Variants in UNC13C observed in about 807,000 individuals in gnomAD.
UNC13C encodes the protein protein unc-13 homolog C.
Under a neutral mutation model 245.4 loss-of-function variants are expected in UNC13C, and 174 were observed. That is an observed-to-expected ratio of 0.71 (90% CI 0.63 to 0.80). The LOEUF (loss-of-function observed/expected upper bound fraction) is 0.80. Among genes scored for constraint, UNC13C ranks in the 30% least tolerant of loss-of-function variants. The pLI, the probability that UNC13C is intolerant of heterozygous loss-of-function variation, is 0.00. For synonymous variants in UNC13C, 992 were observed against 895.1 expected, an observed-to-expected ratio of 1.11 and a Z score of -1.93; for missense variants, 2,829 against 2,602.9, an observed-to-expected ratio of 1.09 and a Z score of -1.89.
intron 30 of UNC13C, among the ~76,000 whole-genome samples, chr15:54,583,991 T>C (rs1200264662): frequency 1.3e-5 from 2 of 152,194 alleles, no homozygotes; most frequent in African/African-American, 2.4e-5. Flanking sequence ...GCCTCCAGAC[T>C]TCCCCTCGGG....
the UNC13C span, among the ~76,000 whole-genome samples, chr15:53,945,342 G>A: frequency 6.6e-6 from 1 of 152,110 alleles, no homozygotes; most frequent in African/African-American, 2.4e-5. Context: ...GAATGGTATT[G>A]CCTAGGTTAT....
chr15:54,498,068 AAAG>A (rs1411687925), intron 20 of UNC13C, among the ~76,000 whole-genome samples: 1 of 152,148 alleles, frequency 6.6e-6, no homozygotes, highest in African/African-American at 2.4e-5. Flanking sequence ...CAGTAAGAAC[AAAG>A]AAGTTTGAAA....
At chr15:53,896,754 T>G in the UNC13C span, among the ~76,000 whole-genome samples, 3 of 152,138 alleles carry the variant, frequency 2.0e-5, no homozygotes, top group Non-Finnish European at 2.9e-5. Context: ...GCTTTCTAAA[T>G]GTGGGGACTA....
chr15:54,592,169 A>G lies in UNC13C; in HGVS notation c.6106+24222A>G, dbSNP rs557122773. 1.4e-4 allele frequency among the ~76,000 whole-genome samples: 22 copies of G among 152,246 alleles called. No homozygotes were observed. In the South Asian group the frequency reaches 4.6e-3, roughly 32 times the overall value. ...ACTGTGGTCTGAGAGTGCTTGATAT[A>G]ATTTCAGTTTTCTTAAATGTATTGA... On this transcript the variant is annotated intron_variant, in intron 30 of 32. Coordinates refer to ENST00000260323, the MANE Select transcript of UNC13C (RefSeq NM_001080534.3).
At chr15:53,844,090 G>C in the UNC13C span, among the ~76,000 whole-genome samples, 13 of 152,148 alleles carry the variant, frequency 8.5e-5, no homozygotes, top group South Asian at 4.1e-4. Context: ...GGGAAAAGAA[G>C]TGAATCCCAG....
At position 54,595,544 on chromosome 15, in the gene UNC13C, C is replaced by T. The variant is rs140225018; in HGVS notation, c.6107-26783C>T. On this transcript the variant is annotated intron_variant, in intron 30 of 32. Transcript: ENST00000260323. The stretch of plus-strand genomic sequence containing the variant: ...AATTCACAGTGCAAGCCTCCACAGG[C>T]TGCTGTGTCTGTGGCTGCAATCTAG... Among the ~76,000 whole-genome samples the T allele has an allele frequency of 2.5e-3, 377 of 152,314 alleles. 1 individual carries two copies. The highest frequency in any genetic ancestry group is 8.8e-3 in the African/African-American group (367 of 41,566).
chr15:54,428,980 A>G (rs188741093), intron 19 of UNC13C, among the ~76,000 whole-genome samples: 8 of 151,704 alleles, frequency 5.3e-5, no homozygotes, highest in African/African-American at 1.7e-4. Context: ...TATTTCCCAT[A>G]TATTGTATAA....
chr15:54,546,659 G>T, intron 26 of UNC13C, 63 bp from the exon 27 acceptor site: 1 of 1,033,368 alleles, frequency 9.7e-7, no homozygotes, highest in Non-Finnish European at 1.3e-6. Flanking sequence ...AAATCGTAAA[G>T]GCCTAAATTG....
intron 19 of UNC13C, among the ~76,000 whole-genome samples, chr15:54,419,829 C>T (rs1192970050): frequency 7.0e-6 from 1 of 143,134 alleles, no homozygotes; most frequent in Non-Finnish European, 1.5e-5. Context: ...CTTGTTAACT[C>T]AATTCAGAGT....
intron 17 of UNC13C, among the ~76,000 whole-genome samples, chr15:54,383,395 TA>T (rs2039769521): frequency 1.3e-5 from 2 of 152,272 alleles, no homozygotes; most frequent in East Asian, 3.9e-4. Context: ...TTCAGGTCAA[TA>T]AATGTGATCT....
At chr15:54,555,785 GTC>G (rs1897065235) in intron 29 of UNC13C, among the ~76,000 whole-genome samples, 1 of 151,872 alleles carries the variant, frequency 6.6e-6, no homozygotes, top group African/African-American at 2.4e-5. Context: ...TGCTTCTTTT[GTC>G]TCTCTCTAAA....
the UNC13C span, among the ~76,000 whole-genome samples, chr15:53,967,672 A>G: frequency 2.2e-4 from 34 of 152,200 alleles, no homozygotes; most frequent in African/African-American, 8.2e-4. Flanking sequence ...TTCTTAAAGA[A>G]CAGCTCACCA....
At chr15:54,027,371 C>T (rs1595734000) in intron 2 of UNC13C, among the ~76,000 whole-genome samples, 1 of 151,916 alleles carries the variant, frequency 6.6e-6, no homozygotes, top group East Asian at 1.9e-4. Context: ...GAACTCTCCT[C>T]TTTTGTTTTG....
At chr15:54,386,326 C>T (rs2039836263) in intron 17 of UNC13C, among the ~76,000 whole-genome samples, 1 of 152,110 alleles carries the variant, frequency 6.6e-6, no homozygotes, top group Non-Finnish European at 1.5e-5. Flanking sequence ...TCAGACATTG[C>T]TATAGCAATA....
chr15:54,358,163 A>G (rs1364103802), intron 17 of UNC13C, among the ~76,000 whole-genome samples: 2 of 151,956 alleles, frequency 1.3e-5, no homozygotes, highest in African/African-American at 4.8e-5. Context: ...TCTCTGTTCT[A>G]TACCTTTGGC....
chr15:53,997,834 A>G (rs1427091861), intron 1 of UNC13C, among the ~76,000 whole-genome samples: 1 of 151,768 alleles, frequency 6.6e-6, no homozygotes, highest in Non-Finnish European at 1.5e-5. Flanking sequence ...AGACCATCTC[A>G]CTCTGTTGCC....
intron 4 of UNC13C, among the ~76,000 whole-genome samples, chr15:54,191,061 T>A (rs1408315947): frequency 6.6e-6 from 1 of 152,176 alleles, no homozygotes; most frequent in African/African-American, 2.4e-5. Context: ...TAAGCATTTT[T>A]AAATTATGCT....
intron 18 of UNC13C, among the ~76,000 whole-genome samples, chr15:54,409,830 G>A (rs1362114214): frequency 6.6e-6 from 1 of 152,112 alleles, no homozygotes; most frequent in Non-Finnish European, 1.5e-5. Flanking sequence ...GTATAGTGCT[G>A]TGATGACCAT....
At chr15:53,903,213 C>T in the UNC13C span, among the ~76,000 whole-genome samples, 1 of 152,196 alleles carries the variant, frequency 6.6e-6, no homozygotes. Flanking sequence ...TGCATAACAT[C>T]AGATCATCTC....
Sources: allele counts gnomAD v4.1 joint callset (sites outside exome capture counted in the v4.1 genomes callset), GRCh38; gene constraint gnomAD v4.1.1; transcripts MANE v1.5; gene names NCBI Gene and HGNC (gene_info 2026-07-23, HGNC 2026-07-21).